RFX7: variants seen among roughly 807,000 people sequenced by gnomAD.
RFX7 encodes DNA-binding protein RFX7.
Under a neutral mutation model 111.8 loss-of-function variants are expected in RFX7, and 26 were observed. The observed-to-expected ratio is 0.23, with a 90% CI of 0.17 to 0.32. The LOEUF is 0.32. RFX7 is among the 10% of genes least tolerant of loss of function. The pLI is 1.00. For synonymous variants in RFX7, 624 were observed against 624.4 expected (o/e 1.00, Z 0.01); for missense variants, 1,573 against 1,772.9 (o/e 0.89, Z 2.02).
intron 2 of RFX7, among the ~76,000 whole-genome samples, chr15:56,220,983 G>C (rs1487556813): frequency 1.2e-4 from 18 of 152,052 alleles, no homozygotes; most frequent in African/African-American, 3.9e-4. Context: ...AAGATCAGAT[G>C]GTTTCAGGTG....
rs1162020044 is a variant in RFX7 at position 56,092,283 on chromosome 15, G to GT, written c.*1061dup. 2 of 152,408 alleles carry GT rather than the reference G, an allele frequency of 1.3e-5. No homozygotes were observed. Among genetic ancestry groups the GT allele is most frequent in the Non-Finnish European group, 2.9e-5 (2 of 67,938 alleles). The allele number at this position is 152,408 out of a possible 1,614,324, so 9.4% of individuals were successfully genotyped here. A position where few individuals can be genotyped will look rare whatever the true frequency, so the allele number is the denominator to read the frequency against. ...CTTAGGTGGTGAAATGTTTTTTGTT[G>GT]TTTTTTATGTTATCCTCCTTCCTGT... On this transcript the variant is annotated 3_prime_UTR_variant, in exon 10 of 10. Coordinates refer to ENST00000559447, the MANE Select transcript of RFX7 (RefSeq NM_022841.7).
intron 8 of RFX7, among the ~76,000 whole-genome samples, chr15:56,098,597 C>G (rs961027034): frequency 1.3e-5 from 2 of 152,218 alleles, no homozygotes; most frequent in African/African-American, 4.8e-5. Context: ...GCGACAGTTT[C>G]AGTTAACAAC....
intron 2 of RFX7, among the ~76,000 whole-genome samples, chr15:56,242,475 A>C (rs1434376867): frequency 1.3e-5 from 2 of 152,194 alleles, no homozygotes; most frequent in East Asian, 3.9e-4. Context: ...ATGGCAAGAC[A>C]TTTGATTCCC....
rs1035503635 is a variant in RFX7, at chr15:56,099,570, G to A, written c.812-1194C>T. Among the ~76,000 whole-genome samples, 7 of 151,892 alleles carry A rather than the reference G, an allele frequency of 4.6e-5. 1 individual carries two copies. The East Asian group carries it at 9.7e-4, about 21-fold the overall frequency. ...GTTTTGAGACAGGAATGAGTTCCAAGCAGCTGACTTACAAAAGGACATTTG... is the reference window on the plus strand; with the variant it reads ...GTTTTGAGACAGGAATGAGTTCCAAACAGCTGACTTACAAAAGGACATTTG... On this transcript the variant is annotated intron_variant, in intron 8 of 9. Transcript: ENST00000559447.
rs1351375930 is a variant in RFX7 at position 56,139,178 on chromosome 15, G to T, written c.401+3600C>A. ...ATGTTGGCCTGCCTTGCTAGATTGG[G>T]GAAGTTCTCCTGGATAATATCCTGC... On this transcript the variant is annotated intron_variant, in intron 5 of 9. Coordinates refer to ENST00000559447, the MANE Select transcript of RFX7 (RefSeq NM_022841.7). Among the ~76,000 whole-genome samples, 3 of 151,318 alleles carry T rather than the reference G, an allele frequency of 2.0e-5. No individual in the cohort carries two copies. In the East Asian group the frequency reaches 5.8e-4, roughly 29 times the overall value.
At chr15:56,201,921 C>T (rs1281218661) in intron 2 of RFX7, among the ~76,000 whole-genome samples, 2 of 152,082 alleles carry the variant, frequency 1.3e-5, no homozygotes, top group Non-Finnish European at 2.9e-5. Flanking sequence ...GTCCCAGCTA[C>T]TTGGGAGGCT....
intron 5 of RFX7, among the ~76,000 whole-genome samples, chr15:56,123,780 T>C (rs1370777745): frequency 1.3e-5 from 2 of 152,220 alleles, no homozygotes; most frequent in Non-Finnish European, 2.9e-5. Flanking sequence ...TGGCTAGGGC[T>C]GGTCTGAATG....
chr15:56,131,802 A>G (rs192051046), intron 5 of RFX7, among the ~76,000 whole-genome samples: 2 of 152,324 alleles, frequency 1.3e-5, no homozygotes, highest in African/African-American at 4.8e-5. Context: ...ATTAAATGTA[A>G]TAACAAAGTA....
rs759221207 is a variant in RFX7 at position 56,088,952 on chromosome 15, G to T, written c.*4393C>A. 2.6e-5 allele frequency: 4 copies of T among 152,114 alleles called. No homozygotes were observed. The highest frequency in any genetic ancestry group is 5.9e-5 in the Non-Finnish European group (4 of 68,036). The allele number at this position is 152,114 out of a possible 1,614,324, so 9.4% of individuals were successfully genotyped here. The stretch of plus-strand genomic sequence containing the variant: ...CTTTATGATTGTAAGCCCCTCAAAG[G>T]TGGGTACAAGATCTTACTCATCTTA... On this transcript the variant is annotated 3_prime_UTR_variant, in exon 10 of 10. Coordinates refer to ENST00000559447, the MANE Select transcript of RFX7 (RefSeq NM_022841.7).
intron 3 of RFX7, among the ~76,000 whole-genome samples, chr15:56,155,844 TTTAAC>T (rs2042645352): frequency 6.6e-6 from 1 of 152,022 alleles, no homozygotes; most frequent in South Asian, 2.1e-4. Flanking sequence ...TAGATTAGTA[TTTAAC>T]TTATTTTGAA....
In RFX7 at chr15:56,090,301, A is replaced by C. The variant is rs1219687246; in HGVS notation, c.*3044T>G. 6.6e-6 allele frequency: 1 copy of C among 152,238 alleles called. No homozygotes were observed. The highest frequency in any genetic ancestry group is 2.4e-5 in the African/African-American group (1 of 41,466). 9.4% of individuals were successfully genotyped at this position (152,238 alleles called of 1,614,324 possible). On this transcript the variant is annotated 3_prime_UTR_variant, in exon 10 of 10. Transcript: ENST00000559447. ...GACAACATAAAGTTCTATGCCATGC[A>C]CCATTCATTGGTAATAATCTTAAGT...
At chr15:56,147,083 T>C (rs1305820371) in intron 3 of RFX7, among the ~76,000 whole-genome samples, 1 of 152,238 alleles carries the variant, frequency 6.6e-6, no homozygotes, top group African/African-American at 2.4e-5. Flanking sequence ...ATATGCTTTA[T>C]GACAATTTAA....
chr15:56,238,042 C>T lies in RFX7; in HGVS notation c.161+5083G>A, dbSNP rs148411115. On this transcript the variant is annotated intron_variant, in intron 2 of 9. Transcript: ENST00000559447. ...TTTAAAGCAAAATGAAAATCATAGACTTTCAGTTAAAGTAAACTCTAAAGT... is the reference window on the plus strand; with the variant it reads ...TTTAAAGCAAAATGAAAATCATAGATTTTCAGTTAAAGTAAACTCTAAAGT... Among the ~76,000 whole-genome samples, 102 of 152,292 alleles carry T rather than the reference C, an allele frequency of 6.7e-4. 2 individuals are homozygous for T. In the East Asian group the frequency reaches 0.019, roughly 28 times the overall value.
At chr15:56,116,987 A>G (rs1595938213) in intron 5 of RFX7, among the ~76,000 whole-genome samples, 1 of 152,322 alleles carries the variant, frequency 6.6e-6, no homozygotes, top group South Asian at 2.1e-4. Flanking sequence ...ATTAGAAGCC[A>G]GGACAGAGGT....
intron 5 of RFX7, among the ~76,000 whole-genome samples, chr15:56,132,588 C>G (rs1207875976): frequency 6.6e-6 from 1 of 151,742 alleles, no homozygotes; most frequent in Non-Finnish European, 1.5e-5. Flanking sequence ...ATAAAAAATA[C>G]CTAGGAAAAA....
In RFX7 at chr15:56,088,233, A is replaced by G. The variant is rs2041551031; in HGVS notation, c.*5112T>C. 2 of 153,878 alleles carry G rather than the reference A, an allele frequency of 1.3e-5. No homozygotes were observed. Among genetic ancestry groups the G allele is most frequent in the African/African-American group, 4.8e-5 (2 of 41,472 alleles). The allele number at this position is 153,878 out of a possible 1,614,324, so 9.5% of individuals were successfully genotyped here. A position where few individuals can be genotyped will look rare whatever the true frequency, so the allele number is the denominator to read the frequency against. On this transcript the variant is annotated 3_prime_UTR_variant, in exon 10 of 10. Transcript: ENST00000559447. The stretch of plus-strand genomic sequence containing the variant: ...TGTGAACACATATCTTAAGTATAGC[A>G]TAATGGTATGAAGTGGGATTTGAAA...
In RFX7 at chr15:56,136,092, G is replaced by A. The variant is rs182381312; in HGVS notation, c.401+6686C>T. 4.6e-3 allele frequency among the ~76,000 whole-genome samples: 693 copies of A among 152,194 alleles called. 8 individuals carry two copies. Among genetic ancestry groups the A allele is most frequent in the African/African-American group, 0.016 (648 of 41,528 alleles). On this transcript the variant is annotated intron_variant, in intron 5 of 9. Transcript: ENST00000559447. ...TCTTTTGGATTAGGATTGACTTGGC[G>A]ATGCGGGCTCTTTTTTGGTTCCGTA...
chr15:56,095,249 G>T lies in RFX7; in HGVS notation c.2479C>A (p.Pro827Thr). 1.9e-6 allele frequency: 3 copies of T among 1,613,716 alleles called. No homozygotes were observed. In the South Asian group the frequency reaches 3.3e-5, roughly 18 times the overall value. Reference protein sequence around the residue: ...EKSVWELEGMPQDTYSQQLHS... With the variant: ...EKSVWELEGMTQDTYSQQLHS... ...AGCTGCTGGCTATATGTGTCCTGTG[G>T]CATTCCTTCTAATTCCCAAACAGAT... Residue 827 changes from proline (P) to threonine (T), a missense_variant, in exon 10 of 10, where the codon CCA becomes ACA. Physicochemically the swap from Pro to Thr is conservative, Grantham distance 38. This residue lies in a region of RFX7 where 625 missense variants were observed against 632.2 expected (regional missense o/e 0.99). Transcript: ENST00000559447.
intron 5 of RFX7, among the ~76,000 whole-genome samples, chr15:56,114,015 G>A (rs1324741252): frequency 6.6e-6 from 1 of 152,190 alleles, no homozygotes; most frequent in Non-Finnish European, 1.5e-5. Flanking sequence ...AAGTGGAAAA[G>A]TTGTTGTAAT....
Sources: gnomAD v4.1 joint callset for allele counts (sites outside exome capture counted in the v4.1 genomes callset) on GRCh38, gnomAD v4.1.1 for gene constraint, gnomAD v4.1.1 regional missense constraint, MANE v1.5 for transcripts, NCBI Gene and HGNC (gene_info 2026-07-23, HGNC 2026-07-21) for gene names.